Variants in FGD4 observed in about 807,000 individuals in gnomAD.
FGD4 encodes FYVE, RhoGEF and PH domain containing 4.
A neutral mutation model predicts 102.0 loss-of-function variants in FGD4; 42 were observed. That is an observed-to-expected ratio of 0.41 (90% CI 0.32 to 0.53). The LOEUF (loss-of-function observed/expected upper bound fraction) is 0.53. Ranked by LOEUF, FGD4 falls within the 20% of genes least tolerant of loss-of-function variation. The probability of loss-of-function intolerance (pLI) is 0.21; values close to 1 mark genes in which losing one functional copy is unlikely to be tolerated. For synonymous variants in FGD4, 380 were observed against 375.7 expected (o/e 1.01, Z -0.13); for missense variants, 902 against 1,078.2 (o/e 0.84, Z 2.29).
intron 1 of FGD4, among the ~76,000 whole-genome samples, chr12:32,413,135 T>C (rs1456744467): frequency 6.6e-6 from 1 of 151,464 alleles, no homozygotes; most frequent in East Asian, 1.9e-4. Context: ...ACCAACAGGG[T>C]GGGGGCTAGG....
chr12:32,453,202 A>T (rs68063917), intron 1 of FGD4, among the ~76,000 whole-genome samples: 72,129 of 117,424 alleles, frequency 0.61, 23,454 homozygotes, highest in Middle Eastern at 0.81. Context: ...TATATATATT[A>T]TATATATATA....
chr12:32,599,290 C>G (rs1476443598), intron 5 of FGD4, among the ~76,000 whole-genome samples: 1 of 149,560 alleles, frequency 6.7e-6, no homozygotes, highest in Admixed American at 6.7e-5. Context: ...GTCAGGAGAT[C>G]GAGACCATCC....
chr12:32,471,083 G>A (rs546477756), intron 1 of FGD4, among the ~76,000 whole-genome samples: 10 of 152,196 alleles, frequency 6.6e-5, no homozygotes, highest in South Asian at 2.1e-4. Flanking sequence ...CTTGGACATC[G>A]GAACCCCAGG....
At chr12:32,444,657 G>A (rs989753670) in intron 1 of FGD4, among the ~76,000 whole-genome samples, 4 of 152,088 alleles carry the variant, frequency 2.6e-5, no homozygotes, top group Non-Finnish European at 2.9e-5. Flanking sequence ...CACCCGCCCC[G>A]GCTTCCTAAA....
intron 1 of FGD4, among the ~76,000 whole-genome samples, chr12:32,515,924 G>A (rs1365264073): frequency 6.6e-6 from 1 of 152,198 alleles, no homozygotes; most frequent in Non-Finnish European, 1.5e-5. Flanking sequence ...TTTTAAAAGG[G>A]CAGGCAAATA....
chr12:32,534,529 T>G (rs1483187670), intron 1 of FGD4: 6 of 1,405,196 alleles, frequency 4.3e-6, no homozygotes, highest in Non-Finnish European at 5.6e-6. Flanking sequence ...GTAGATATAT[T>G]TTTTTCTTCC....
intron 1 of FGD4, among the ~76,000 whole-genome samples, chr12:32,438,064 A>G (rs1565740181): frequency 1.3e-5 from 2 of 152,086 alleles, no homozygotes; most frequent in Non-Finnish European, 1.5e-5. Context: ...GGTAATTTCT[A>G]TAGTTTTAGT....
intron 2 of FGD4, among the ~76,000 whole-genome samples, chr12:32,566,933 G>A (rs1945235209): frequency 6.6e-6 from 1 of 152,214 alleles, no homozygotes; most frequent in Non-Finnish European, 1.5e-5. Context: ...GGCAGGAGCA[G>A]GGGAAAGCAG....
chr12:32,448,521 G>A (rs1332854079), intron 1 of FGD4, among the ~76,000 whole-genome samples: 2 of 152,102 alleles, frequency 1.3e-5, no homozygotes, highest in South Asian at 2.1e-4. Flanking sequence ...GCCAGGTGCG[G>A]TGGCACATGC....
chr12:32,569,034 C>T (rs1001877442), intron 2 of FGD4, among the ~76,000 whole-genome samples: 21 of 152,310 alleles, frequency 1.4e-4, no homozygotes, highest in African/African-American at 5.1e-4. Flanking sequence ...ACTTGACCAT[C>T]GTTCCATCCT....
chr12:32,430,824 C>T (rs887030352), intron 1 of FGD4, among the ~76,000 whole-genome samples: 1 of 152,208 alleles, frequency 6.6e-6, no homozygotes, highest in Non-Finnish European at 1.5e-5. Flanking sequence ...TGGGAACTGA[C>T]TAGGGTGCTA....
rs1565770870 is a variant in FGD4, at chr12:32,486,581, CT to C, written c.167-77554del. ...TTACACTTTAGCCAGTTTCTTAAAA[CT>C]TATTTGTGCACCTAATATTTTCTTG... On this transcript the variant is annotated intron_variant, in intron 1 of 16. Coordinates refer to ENST00000534526, the MANE Select transcript of FGD4 (RefSeq NM_001370298.3). Among the ~76,000 whole-genome samples the C allele has an allele frequency of 5.9e-5, 9 of 152,254 alleles. No individual in the cohort carries two copies. In the East Asian group the frequency reaches 1.7e-3, roughly 29 times the overall value.
At position 32,432,051 on chromosome 12, in the gene FGD4, ATTTT is replaced by A. The variant is rs60933809; in HGVS notation, c.166+32116_166+32119del. On this transcript the variant is annotated intron_variant, in intron 1 of 16. Transcript: ENST00000534526. ...AGTGGCTCATGCCTGTAATCCTAGC[ATTTT>A]TTTTTTTTTTTTTTTTTTTTTTTAG... 2.5e-3 allele frequency among the ~76,000 whole-genome samples: 271 copies of A among 107,684 alleles called. 1 individual carries two copies. The highest frequency in any genetic ancestry group is 8.5e-3 in the African/African-American group (264 of 31,008). The allele number at this position is 107,684 out of a possible 152,430, so 70.6% of individuals were successfully genotyped here.
At position 32,428,515 on chromosome 12, in the gene FGD4, C is replaced by T. The variant is rs559174084; in HGVS notation, c.166+28556C>T. Among the ~76,000 whole-genome samples, 3 of 152,098 alleles carry T rather than the reference C, an allele frequency of 2.0e-5. No homozygotes were observed. The East Asian group carries it at 5.8e-4, about 29-fold the overall frequency. ...CTTAACATTTTTTCCCTCAGTTCAA[C>T]CTTGGAGAATCTGATAATTATGTGT... On this transcript the variant is annotated intron_variant, in intron 1 of 16. Transcript: ENST00000534526.
chr12:32,580,598 G>A (rs1234991610), intron 3 of FGD4, among the ~76,000 whole-genome samples: 1 of 152,056 alleles, frequency 6.6e-6, no homozygotes, highest in Non-Finnish European at 1.5e-5. Flanking sequence ...ATTAAAATCT[G>A]TACAAATGGC....
intron 1 of FGD4, among the ~76,000 whole-genome samples, chr12:32,500,212 G>A (rs1200341840): frequency 6.6e-6 from 1 of 151,788 alleles, no homozygotes; most frequent in Admixed American, 6.7e-5. Flanking sequence ...CTGAATCTCA[G>A]CTCTATACCT....
intron 1 of FGD4, among the ~76,000 whole-genome samples, chr12:32,443,263 G>A (rs1040036336): frequency 2.0e-5 from 3 of 152,158 alleles, no homozygotes; most frequent in Non-Finnish European, 4.4e-5. Flanking sequence ...AATTGGCTAG[G>A]CCTGTAGTTC....
chr12:32,554,147 T>C (rs544202460), intron 1 of FGD4, among the ~76,000 whole-genome samples: 30 of 152,314 alleles, frequency 2.0e-4, no homozygotes, highest in Non-Finnish European at 3.4e-4. Context: ...TTTTTTTTAC[T>C]GTTACTATTT....
chr12:32,600,322 T>A, intron 5 of FGD4: 2 of 470,120 alleles, frequency 4.3e-6, no homozygotes, highest in East Asian at 1.7e-4. Context: ...GCTGCTGACC[T>A]TTTAGAATTC....
Sources: gnomAD v4.1 joint callset for allele counts (sites outside exome capture counted in the v4.1 genomes callset) on GRCh38, gnomAD v4.1.1 for gene constraint, MANE v1.5 for transcripts, NCBI Gene and HGNC (gene_info 2026-07-23, HGNC 2026-07-21) for gene names.